The following PCDHA5 variants were observed in gnomAD, a reference collection of about 807,000 sequenced individuals.
PCDHA5 encodes the protein protocadherin alpha 5, also known as protocadherin alpha-5.
A neutral mutation model predicts 61.6 loss-of-function variants in PCDHA5; 43 were observed. The ratio of observed to expected loss-of-function variants is 0.70; its 90% confidence interval spans 0.55 to 0.90. The LOEUF is 0.90. PCDHA5 is among the 40% of genes least tolerant of loss of function. The pLI, the probability that PCDHA5 is intolerant of heterozygous loss-of-function variation, is 0.00. For synonymous variants in PCDHA5, 627 were observed against 543.9 expected (o/e 1.15, Z -2.13); for missense variants, 1,298 against 1,222.7 (o/e 1.06, Z -0.92).
At chr5:140,943,257 CAA>C (rs1238620023) in intron 1 of PCDHA5, among the ~76,000 whole-genome samples, 5 of 77,564 alleles carry the variant, frequency 6.4e-5, no homozygotes, top group Non-Finnish European at 2.5e-5. Flanking sequence ...GACTCTGTCT[CAA>C]AAAAAAAAAA....
At chr5:140,997,604 G>A (rs1271144424) in intron 3 of PCDHA5, among the ~76,000 whole-genome samples, 2 of 152,136 alleles carry the variant, frequency 1.3e-5, no homozygotes, top group East Asian at 1.9e-4. Flanking sequence ...ATTATGGGGC[G>A]CATGACTATA....
intron 3 of PCDHA5, among the ~76,000 whole-genome samples, chr5:140,985,188 C>T (rs1186148399): frequency 6.6e-6 from 1 of 152,192 alleles, no homozygotes; most frequent in African/African-American, 2.4e-5. Context: ...CCGCCTGCCT[C>T]GGTCTCCCAA....
At chr5:140,841,636 C>T (rs2150319848) in intron 1 of PCDHA5, 1 of 1,614,130 alleles carries the variant, frequency 6.2e-7, no homozygotes. Flanking sequence ...GCAGCATCCA[C>T]CTGGAGGTGA....
chr5:140,971,488 A>G (rs17119328), intron 1 of PCDHA5, among the ~76,000 whole-genome samples: 1 of 152,104 alleles, frequency 6.6e-6, no homozygotes, highest in African/African-American at 2.4e-5. Flanking sequence ...ACATTGTTAC[A>G]GTGTGGCAAG....
intron 3 of PCDHA5, among the ~76,000 whole-genome samples, chr5:140,994,922 G>A (rs184710391): frequency 4.6e-5 from 7 of 152,342 alleles, no homozygotes; most frequent in African/African-American, 9.6e-5. Context: ...ATCAGATTTT[G>A]TAGGACCTTA....
At chr5:140,875,228 T>C in intron 1 of PCDHA5, 5 of 832,094 alleles carry the variant, frequency 6.0e-6, no homozygotes, top group Non-Finnish European at 8.6e-6. Flanking sequence ...CTCAGGATCT[T>C]TCTTGTACTT....
At chr5:140,828,644 A>C in intron 1 of PCDHA5, 1 of 1,614,210 alleles carries the variant, frequency 6.2e-7, no homozygotes, top group Non-Finnish European at 8.5e-7. Flanking sequence ...TGTGAAAATA[A>C]ACAGTGATGA....
At chr5:141,005,610 G>C (rs1184044588) in intron 3 of PCDHA5, among the ~76,000 whole-genome samples, 1 of 147,582 alleles carries the variant, frequency 6.8e-6, no homozygotes, top group Non-Finnish European at 1.5e-5. Context: ...GCTGAGGCAG[G>C]AGAATGGCGT....
At chr5:140,898,906 G>A (rs199581699) in intron 1 of PCDHA5, among the ~76,000 whole-genome samples, 45,464 of 151,416 alleles carry the variant, frequency 0.3, 7,269 homozygotes, top group East Asian at 0.52. Context: ...GGTCCTTCAC[G>A]TCCCTTGTAA....
intron 1 of PCDHA5, among the ~76,000 whole-genome samples, chr5:140,957,462 T>C (rs574379806): frequency 8.3e-4 from 126 of 152,308 alleles, no homozygotes; most frequent in African/African-American, 2.9e-3. Context: ...ATCATAGGTA[T>C]GTATGTATAG....
At chr5:140,908,958 T>C (rs555962129) in intron 1 of PCDHA5, among the ~76,000 whole-genome samples, 2 of 152,268 alleles carry the variant, frequency 1.3e-5, no homozygotes, top group East Asian at 3.9e-4. Context: ...AGAAGGAATA[T>C]CTTGATAGGC....
chr5:141,008,072 T>G (rs1419103459), intron 3 of PCDHA5, among the ~76,000 whole-genome samples: 3 of 152,154 alleles, frequency 2.0e-5, no homozygotes, highest in African/African-American at 7.2e-5. Context: ...TAAGAACTTA[T>G]TGGGGTTATT....
At chr5:140,840,780 T>G (rs1429191969) in intron 1 of PCDHA5, among the ~76,000 whole-genome samples, 1 of 152,072 alleles carries the variant, frequency 6.6e-6, no homozygotes, top group Admixed American at 6.5e-5. Flanking sequence ...AAAGTTAGAA[T>G]TATATGCTCA....
chr5:140,896,453 C>T (rs782013950), intron 1 of PCDHA5, among the ~76,000 whole-genome samples: 3 of 152,106 alleles, frequency 2.0e-5, no homozygotes, highest in Non-Finnish European at 2.9e-5. Context: ...ACCTCCACCT[C>T]CTGGGTTCAA....
chr5:140,950,435 A>T (rs2094483371), intron 1 of PCDHA5, among the ~76,000 whole-genome samples: 1 of 152,038 alleles, frequency 6.6e-6, no homozygotes, highest in Non-Finnish European at 1.5e-5. Flanking sequence ...CACTTAAAAA[A>T]AATGTTATTC....
intron 1 of PCDHA5, among the ~76,000 whole-genome samples, chr5:140,904,628 A>G (rs2071277621): frequency 6.6e-6 from 1 of 152,002 alleles, no homozygotes; most frequent in African/African-American, 2.4e-5. Context: ...TTAGTTCTTT[A>G]AGGAATCTCC....
chr5:140,899,407 T>C (rs1183210224), intron 1 of PCDHA5, among the ~76,000 whole-genome samples: 2 of 152,226 alleles, frequency 1.3e-5, no homozygotes, highest in Non-Finnish European at 2.9e-5. Context: ...TGAAGGGTTG[T>C]TGAATTTTGT....
chr5:140,869,250 G>T lies in PCDHA5; in HGVS notation c.2352+45123G>T, dbSNP rs371660992. ...ACGGCACCTTCGTGGGCCGCATCGC[G>T]CAGGACCTGGGGCTGGAGCTGGCGG... On this transcript the variant is annotated intron_variant, in intron 1 of 3. Transcript: ENST00000529859. The T allele has an allele frequency of 8.4e-5, 135 of 1,613,518 alleles. No homozygotes were observed. In the Middle Eastern group the frequency reaches 1.0e-3, roughly 13 times the overall value.
chr5:141,007,728 G>A (rs2098342783), intron 3 of PCDHA5, among the ~76,000 whole-genome samples: 1 of 152,096 alleles, frequency 6.6e-6, no homozygotes, highest in Non-Finnish European at 1.5e-5. Context: ...GAGAACAAAG[G>A]TTAACCACTG....
Sources: gnomAD v4.1 joint callset for allele counts (sites outside exome capture counted in the v4.1 genomes callset) on GRCh38, gnomAD v4.1.1 for gene constraint, MANE v1.5 for transcripts, NCBI Gene and HGNC (gene_info 2026-07-23, HGNC 2026-07-21) for gene names.